The following DEUP1 variants were observed in gnomAD, a reference collection of about 807,000 sequenced individuals.
DEUP1 encodes coiled-coil domain containing 67.
Under a neutral mutation model 87.4 loss-of-function variants are expected in DEUP1, and 82 were observed. The observed-to-expected ratio is 0.94, with a 90% confidence interval of 0.78 to 1.13. The LOEUF (loss-of-function observed/expected upper bound fraction) is 1.13, where lower values mean the gene tolerates loss of function less well. DEUP1 is among the 50% of genes most tolerant of loss of function. DEUP1 has a pLI of 0.00. For missense variants in DEUP1, 663 were observed against 681.5 expected (o/e 0.97, Z 0.30); for synonymous variants, 214 against 222.7 (o/e 0.96, Z 0.35).
At chr11:93,432,278 G>A (rs1411445475) in intron 13 of DEUP1, among the ~76,000 whole-genome samples, 1 of 152,192 alleles carries the variant, frequency 6.6e-6, no homozygotes, top group Non-Finnish European at 1.5e-5. Context: ...AGGATCTGCA[G>A]TATAGGAGGA....
chr11:93,339,701 A>C (rs763464598), intron 2 of DEUP1, among the ~76,000 whole-genome samples: 2 of 152,216 alleles, frequency 1.3e-5, no homozygotes, highest in Non-Finnish European at 2.9e-5. Flanking sequence ...AGTGGTAATG[A>C]TAACGAGGGA....
rs1188232555 is a variant in DEUP1, at chr11:93,385,465, T to G, written c.857T>G (p.Ile286Arg). 3 of 1,612,238 alleles carry G rather than the reference T, an allele frequency of 1.9e-6. No homozygotes were observed. In the African/African-American group the frequency reaches 4.0e-5, roughly 22 times the overall value. The change falls in exon 8 of 14, where the codon ATA (isoleucine) becomes AGA (arginine). Residue 286 changes from isoleucine (I) to arginine (R), a missense_variant. Coordinates refer to ENST00000298050, the MANE Select transcript of DEUP1 (RefSeq NM_181645.4). The part of the protein sequence containing the change: ...LQSRDDLLRI[I>R]EMERLQLHRE... ...TCACGTGATGATCTCTTGAGAATTA[T>G]AGAAATGGAACGATTGCAATTACAC... is the stretch of plus-strand genomic sequence containing the variant.
At chr11:93,338,712 C>T (rs891308092) in intron 2 of DEUP1, among the ~76,000 whole-genome samples, 1 of 152,138 alleles carries the variant, frequency 6.6e-6, no homozygotes, top group African/African-American at 2.4e-5. Flanking sequence ...GCTCAGTCAA[C>T]ATTTGTTGAA....
chr11:93,330,372 G>A (rs1174630720), upstream of DEUP1: 1 of 152,506 alleles, frequency 6.6e-6, no homozygotes, highest in Non-Finnish European at 1.5e-5. Context: ...TGGGTGCCCA[G>A]CCTTGGGGTA....
chr11:93,399,592 C>G (rs2134384693), intron 11 of DEUP1, among the ~76,000 whole-genome samples: 1 of 151,648 alleles, frequency 6.6e-6, no homozygotes, highest in Non-Finnish European at 1.5e-5. Context: ...AAATAAATAA[C>G]AAAATTTATT....
intron 13 of DEUP1, among the ~76,000 whole-genome samples, chr11:93,435,409 C>A (rs1045616013): frequency 3.3e-5 from 5 of 152,156 alleles, no homozygotes; most frequent in Admixed American, 1.3e-4. Flanking sequence ...ATCAAATCAT[C>A]CTGTCCACTT....
chr11:93,337,769 AG>A (rs1207080444), intron 2 of DEUP1, among the ~76,000 whole-genome samples: 1 of 152,252 alleles, frequency 6.6e-6, no homozygotes, highest in Non-Finnish European at 1.5e-5. Flanking sequence ...AAATAAGGAA[AG>A]AAAGGGAAGA....
rs1948302413 is a variant in DEUP1 at position 93,438,340 on chromosome 11, A to G, written c.*621A>G. 6.6e-6 allele frequency: 1 copy of G among 152,044 alleles called. No individual in the cohort carries two copies. The highest frequency in any genetic ancestry group is 1.5e-5 in the Non-Finnish European group (1 of 68,036). 9.4% of individuals were successfully genotyped at this position (152,044 alleles called of 1,614,324 possible). A position where few individuals can be genotyped will look rare whatever the true frequency, so the allele number is the denominator to read the frequency against. ...ACCTAAAATATATGTGCCAAAAATT[A>G]ACGCTTTTTTGTTAGTACTAATTAC... is the stretch of plus-strand genomic sequence containing the variant. On this transcript the variant is annotated 3_prime_UTR_variant, in exon 14 of 14. Transcript: ENST00000298050.
intron 2 of DEUP1, among the ~76,000 whole-genome samples, chr11:93,345,672 CTG>C (rs765335263): frequency 4.6e-5 from 7 of 151,976 alleles, no homozygotes; most frequent in Non-Finnish European, 1.0e-4. Context: ...TGAGAAGTGT[CTG>C]TTCTTTGACC....
chr11:93,380,949 T>C (rs761863403), intron 7 of DEUP1, among the ~76,000 whole-genome samples: 4 of 152,338 alleles, frequency 2.6e-5, no homozygotes, highest in Non-Finnish European at 5.9e-5. Context: ...GTAGAACTAA[T>C]GAAAAGATTT....
At chr11:93,367,377 T>C (rs1945473929) in intron 5 of DEUP1, among the ~76,000 whole-genome samples, 1 of 152,222 alleles carries the variant, frequency 6.6e-6, no homozygotes, top group Admixed American at 6.5e-5. Flanking sequence ...TAAATTAGCA[T>C]TTGTTTTCCA....
At chr11:93,390,548 G>A (rs75674900) in intron 9 of DEUP1, among the ~76,000 whole-genome samples, 2,249 of 152,030 alleles carry the variant, frequency 0.015, 21 homozygotes, top group East Asian at 0.058. Context: ...CTTTTTTACT[G>A]GTGTCCCCAG....
intron 11 of DEUP1, among the ~76,000 whole-genome samples, chr11:93,401,425 A>C (rs1305687509): frequency 6.6e-6 from 1 of 152,238 alleles, no homozygotes; most frequent in Admixed American, 6.5e-5. Context: ...CATTCTTCAA[A>C]GAAATAGAAA....
chr11:93,364,527 T>TAAA lies in DEUP1; in HGVS notation c.432+241_432+243dup, dbSNP rs371675444. Among the ~76,000 whole-genome samples the TAAA allele has an allele frequency of 7.5e-3, 1,109 of 147,220 alleles. 14 individuals carry two copies. The highest frequency in any genetic ancestry group is 0.027 in the African/African-American group (1,070 of 40,330). ...TGCATATATCAGCATTTTGGGAGAT[T>TAAA]AAAAAAAAAAGAGCCAAAAAAGTCA... is the stretch of plus-strand genomic sequence containing the variant. On this transcript the variant is annotated intron_variant, in intron 5 of 13. Transcript: ENST00000298050.
intron 2 of DEUP1, 129 bp from the exon 3 acceptor site, chr11:93,355,242 C>A: frequency 1.2e-6 from 1 of 835,000 alleles, no homozygotes. Flanking sequence ...AGCTTTTGAA[C>A]TTATTCCTAT....
chr11:93,353,820 C>T (rs901780710), intron 2 of DEUP1, among the ~76,000 whole-genome samples: 2 of 152,220 alleles, frequency 1.3e-5, no homozygotes, highest in African/African-American at 2.4e-5. Context: ...CTGCACACGG[C>T]ATGGGGACCC....
intron 11 of DEUP1, among the ~76,000 whole-genome samples, chr11:93,401,781 G>T (rs1947127703): frequency 6.6e-6 from 1 of 151,964 alleles, no homozygotes; most frequent in Non-Finnish European, 1.5e-5. Context: ...TCAATAAATG[G>T]TGCTGGGAAA....
At chr11:93,406,177 T>C (rs1301170346) in intron 11 of DEUP1, among the ~76,000 whole-genome samples, 1 of 151,962 alleles carries the variant, frequency 6.6e-6, no homozygotes, top group African/African-American at 2.4e-5. Context: ...TTTTGTAATT[T>C]AGACATGCTT....
chr11:93,382,109 C>G (rs1010855466), intron 7 of DEUP1, among the ~76,000 whole-genome samples: 2 of 152,016 alleles, frequency 1.3e-5, no homozygotes, highest in African/African-American at 4.8e-5. Flanking sequence ...AGTCAAGTAC[C>G]AAAGAATCAT....
Sources: gnomAD v4.1 joint callset for allele counts (sites outside exome capture counted in the v4.1 genomes callset) on GRCh38, gnomAD v4.1.1 for gene constraint, MANE v1.5 for transcripts, NCBI Gene and HGNC (gene_info 2026-07-23, HGNC 2026-07-21) for gene names.